The following SLC24A2 variants were observed in gnomAD, a reference collection of about 807,000 sequenced individuals.
SLC24A2 encodes sodium/potassium/calcium exchanger 2.
SLC24A2 carries 36 observed loss-of-function variants against 62.0 expected under a neutral mutation model. The ratio of observed to expected loss-of-function variants is 0.58; its 90% confidence interval spans 0.44 to 0.77. The LOEUF is 0.77. Among genes scored for constraint, SLC24A2 ranks in the 30% least tolerant of loss-of-function variants. SLC24A2 has a pLI of 0.00. For synonymous variants in SLC24A2, 358 were observed against 294.0 expected (o/e 1.22, Z -2.23); for missense variants, 846 against 817.9 (o/e 1.03, Z -0.42).
At chr9:19,537,246 C>A (rs1212780421) in intron 8 of SLC24A2, among the ~76,000 whole-genome samples, 1 of 142,910 alleles carries the variant, frequency 7.0e-6, no homozygotes, top group Non-Finnish European at 1.5e-5. Context: ...GTTGCCATTG[C>A]TTTTGGTGTA....
chr9:20,176,792 TA>T, the SLC24A2 span, among the ~76,000 whole-genome samples: 1 of 152,100 alleles, frequency 6.6e-6, no homozygotes, highest in African/African-American at 2.4e-5. Flanking sequence ...GTAAAGATAC[TA>T]AATACAAAAA....
chr9:19,558,497 A>G (rs897064095), intron 7 of SLC24A2, among the ~76,000 whole-genome samples: 2 of 152,194 alleles, frequency 1.3e-5, no homozygotes, highest in Non-Finnish European at 2.9e-5. Flanking sequence ...TGTGCACTTC[A>G]TTGCTGATGG....
chr9:19,553,055 AG>A (rs34821846), intron 7 of SLC24A2, among the ~76,000 whole-genome samples: 23 of 152,176 alleles, frequency 1.5e-4, no homozygotes, highest in African/African-American at 5.1e-4. Flanking sequence ...GTCCTGCTAC[AG>A]GGAAGTACAG....
chr9:19,661,172 T>C (rs1184906374), intron 2 of SLC24A2, among the ~76,000 whole-genome samples: 1 of 151,564 alleles, frequency 6.6e-6, no homozygotes, highest in Non-Finnish European at 1.5e-5. Context: ...AATCTTGCCA[T>C]TACCAGCACT....
intron 7 of SLC24A2, among the ~76,000 whole-genome samples, chr9:19,557,123 C>A (rs1034312348): frequency 1.3e-5 from 2 of 152,142 alleles, no homozygotes; most frequent in Non-Finnish European, 2.9e-5. Context: ...CTGAGTAACC[C>A]CTAAGTCCCA....
the SLC24A2 span, among the ~76,000 whole-genome samples, chr9:20,171,598 A>C: frequency 4.7e-4 from 72 of 152,204 alleles, no homozygotes; most frequent in Middle Eastern, 0.014. Flanking sequence ...ACTTTAAAGC[A>C]ACAGCAGTTT....
the SLC24A2 span, among the ~76,000 whole-genome samples, chr9:20,223,707 T>G: frequency 7.7e-4 from 117 of 152,236 alleles, no homozygotes; most frequent in African/African-American, 2.7e-3. Context: ...ATAGTGGATG[T>G]GGCTTACAAA....
At chr9:20,163,994 A>C in the SLC24A2 span, among the ~76,000 whole-genome samples, 1 of 152,208 alleles carries the variant, frequency 6.6e-6, no homozygotes, top group Non-Finnish European at 1.5e-5. Flanking sequence ...AGATGGATTA[A>C]AGACTTACAT....
the SLC24A2 span, among the ~76,000 whole-genome samples, chr9:20,240,324 A>G: frequency 6.6e-6 from 1 of 152,230 alleles, no homozygotes; most frequent in East Asian, 1.9e-4. Flanking sequence ...ACTCAGGACC[A>G]TGAGGATACA....
chr9:20,125,463 T>A, the SLC24A2 span, among the ~76,000 whole-genome samples: 17 of 152,294 alleles, frequency 1.1e-4, no homozygotes, highest in African/African-American at 3.6e-4. Flanking sequence ...GTAAATACAC[T>A]CAACACAGGT....
the SLC24A2 span, among the ~76,000 whole-genome samples, chr9:20,276,930 G>T: frequency 6.6e-6 from 1 of 152,208 alleles, no homozygotes; most frequent in Non-Finnish European, 1.5e-5. Context: ...AAGCAGCAAG[G>T]CCTTGGACCT....
the SLC24A2 span, among the ~76,000 whole-genome samples, chr9:20,263,408 C>G: frequency 6.6e-6 from 1 of 152,060 alleles, no homozygotes; most frequent in African/African-American, 2.4e-5. Context: ...TGCACCACAC[C>G]TGGCTATTTT....
chr9:19,826,440 C>G, the SLC24A2 span, among the ~76,000 whole-genome samples: 1 of 152,094 alleles, frequency 6.6e-6, no homozygotes, highest in Non-Finnish European at 1.5e-5. Context: ...GATTGTCTTA[C>G]TTGATTCATG....
the SLC24A2 span, among the ~76,000 whole-genome samples, chr9:20,279,997 G>C: frequency 2.0e-5 from 3 of 152,196 alleles, no homozygotes; most frequent in Admixed American, 2.0e-4. Flanking sequence ...TCACATAAGT[G>C]CCCCTGCCAA....
chr9:20,145,424 G>T, the SLC24A2 span, among the ~76,000 whole-genome samples: 2 of 152,036 alleles, frequency 1.3e-5, no homozygotes, highest in Admixed American at 1.3e-4. Flanking sequence ...AAGCCCATAG[G>T]ATCAATTTAT....
At chr9:19,908,143 A>G in the SLC24A2 span, among the ~76,000 whole-genome samples, 4 of 152,218 alleles carry the variant, frequency 2.6e-5, no homozygotes, top group African/African-American at 9.6e-5. Context: ...AGAGATATAG[A>G]CCAATGGAGC....
At chr9:19,980,905 T>C in the SLC24A2 span, among the ~76,000 whole-genome samples, 1 of 152,210 alleles carries the variant, frequency 6.6e-6, no homozygotes. Context: ...CTTCAATCCA[T>C]GGGACGGATA....
At chr9:20,119,202 G>A in the SLC24A2 span, among the ~76,000 whole-genome samples, 9 of 152,034 alleles carry the variant, frequency 5.9e-5, no homozygotes, top group Non-Finnish European at 1.2e-4. Context: ...GCCTTCCAAC[G>A]AGAATATAGC....
chr9:19,900,136 GC>G, the SLC24A2 span, among the ~76,000 whole-genome samples: 2 of 152,144 alleles, frequency 1.3e-5, no homozygotes, highest in African/African-American at 4.8e-5. Flanking sequence ...AAGCCTCTGT[GC>G]TCTGCCCTAG....
Sources: allele counts gnomAD v4.1 joint callset (sites outside exome capture counted in the v4.1 genomes callset), GRCh38; gene constraint gnomAD v4.1.1; transcripts MANE v1.5; gene names NCBI Gene and HGNC (gene_info 2026-07-23, HGNC 2026-07-21).